Variants in EEIG2 observed in about 807,000 individuals in gnomAD.
EEIG2 encodes the protein family with sequence similarity 102 member B.
At chr1:108,574,798 A>G in the EEIG2 span, among the ~76,000 whole-genome samples, 1 of 152,202 alleles carries the variant, frequency 6.6e-6, no homozygotes, top group Non-Finnish European at 1.5e-5. Context: ...ATTTTACCAC[A>G]ATTTTTTAAA....
At chr1:108,580,162 C>T in the EEIG2 span, among the ~76,000 whole-genome samples, 1 of 152,074 alleles carries the variant, frequency 6.6e-6, no homozygotes, top group South Asian at 2.1e-4. Flanking sequence ...ATTGTTACAG[C>T]TCTTATGATG....
the EEIG2 span, among the ~76,000 whole-genome samples, chr1:108,592,927 G>A: frequency 6.6e-6 from 1 of 152,114 alleles, no homozygotes; most frequent in African/African-American, 2.4e-5. Flanking sequence ...AGAGGCCAGG[G>A]TGGGCGGGTC....
At chr1:108,627,053 G>A in the EEIG2 span, 1 of 152,060 alleles carries the variant, frequency 6.6e-6, no homozygotes, top group Non-Finnish European at 1.5e-5. Flanking sequence ...CCTATACCTT[G>A]TACAGTATTA....
At chr1:108,560,585 G>T in the EEIG2 span, 157,899 of 1,604,036 alleles carry the variant, frequency 0.098, 15,310 homozygotes, top group African/African-American at 0.46. Flanking sequence ...CTCCCGCGCC[G>T]CCTCGCCCCT....
the EEIG2 span, among the ~76,000 whole-genome samples, chr1:108,594,189 G>A: frequency 2.8e-3 from 424 of 152,180 alleles, no homozygotes; most frequent in Non-Finnish European, 4.2e-3. Context: ...AAGCCGCCAA[G>A]GACAGAAGCT....
chr1:108,609,141 T>A, the EEIG2 span, among the ~76,000 whole-genome samples: 1 of 152,194 alleles, frequency 6.6e-6, no homozygotes, highest in Non-Finnish European at 1.5e-5. Flanking sequence ...TTTTAACTTA[T>A]TGACATTGTA....
chr1:108,631,112 T>C, the EEIG2 span: 1 of 400,884 alleles, frequency 2.5e-6, no homozygotes, highest in Non-Finnish European at 5.0e-6. Flanking sequence ...GTAACACTAT[T>C]TAGATCTTTG....
the EEIG2 span, among the ~76,000 whole-genome samples, chr1:108,560,775 T>G: frequency 6.6e-6 from 1 of 152,136 alleles, no homozygotes; most frequent in Non-Finnish European, 1.5e-5. Flanking sequence ...GCCTGGTATC[T>G]GCTCTTCCCT....
the EEIG2 span, chr1:108,637,418 T>TAAAG: frequency 6.6e-6 from 1 of 152,068 alleles, no homozygotes; most frequent in African/African-American, 2.4e-5. Flanking sequence ...GTTGCCTAAG[T>TAAAG]GTCTGCCTTA....
chr1:108,599,095 G>A, the EEIG2 span, among the ~76,000 whole-genome samples: 1 of 151,950 alleles, frequency 6.6e-6, no homozygotes, highest in African/African-American at 2.4e-5. Flanking sequence ...GGCCTGAGAG[G>A]TCAAGGCTGC....
At chr1:108,622,734 T>G in the EEIG2 span, among the ~76,000 whole-genome samples, 1 of 152,180 alleles carries the variant, frequency 6.6e-6, no homozygotes, top group East Asian at 1.9e-4. Context: ...ATAAATGCAA[T>G]AGATTTAATA....
the EEIG2 span, among the ~76,000 whole-genome samples, chr1:108,578,303 C>A: frequency 3.9e-5 from 5 of 127,376 alleles, no homozygotes; most frequent in Non-Finnish European, 6.4e-5. Flanking sequence ...CCTTCTCCTG[C>A]CTGATTGCCC....
the EEIG2 span, among the ~76,000 whole-genome samples, chr1:108,632,486 G>A: frequency 6.6e-6 from 1 of 152,120 alleles, no homozygotes; most frequent in East Asian, 1.9e-4. Context: ...TAATTTGAAG[G>A]GTAGATTAGA....
At chr1:108,585,419 C>T in the EEIG2 span, among the ~76,000 whole-genome samples, 1 of 152,044 alleles carries the variant, frequency 6.6e-6, no homozygotes, top group Non-Finnish European at 1.5e-5. Flanking sequence ...GGGTTTCCTT[C>T]TATGTGAGGA....
chr1:108,609,599 G>A, the EEIG2 span, among the ~76,000 whole-genome samples: 2 of 152,200 alleles, frequency 1.3e-5, no homozygotes, highest in Non-Finnish European at 2.9e-5. Flanking sequence ...TAAAGGCCTT[G>A]AAGTGATCTT....
chr1:108,616,369 GT>G, the EEIG2 span: 1 of 1,569,138 alleles, frequency 6.4e-7, no homozygotes, highest in Non-Finnish European at 8.7e-7. Context: ...GATATTTCTT[GT>G]TTTATATTTA....
the EEIG2 span, chr1:108,625,584 C>T: frequency 1.3e-5 from 2 of 152,102 alleles, no homozygotes; most frequent in African/African-American, 4.8e-5. Context: ...TCCATTAGCT[C>T]CTTCTCTTCA....
chr1:108,571,140 C>A, the EEIG2 span, among the ~76,000 whole-genome samples: 29 of 152,166 alleles, frequency 1.9e-4, no homozygotes, highest in African/African-American at 6.8e-4. Context: ...ACAGCTACTT[C>A]ACTGTCACAT....
chr1:108,617,845 T>C, the EEIG2 span, among the ~76,000 whole-genome samples: 5 of 152,306 alleles, frequency 3.3e-5, no homozygotes, highest in Non-Finnish European at 5.9e-5. Flanking sequence ...TGTCACACGC[T>C]GCTGGAGTGG....
Sources: gnomAD v4.1 joint callset for allele counts (sites outside exome capture counted in the v4.1 genomes callset) on GRCh38, gnomAD v4.1.1 for gene constraint, MANE v1.5 for transcripts, NCBI Gene and HGNC (gene_info 2026-07-23, HGNC 2026-07-21) for gene names.